The following SGCG variants were observed in gnomAD, a reference collection of about 807,000 sequenced individuals.
SGCG encodes the protein sarcoglycan gamma, also known as gamma-sarcoglycan.
SGCG carries 26 observed loss-of-function variants against 29.3 expected under a neutral mutation model. That is an observed-to-expected ratio of 0.89 (90% CI 0.65 to 1.23). SGCG has a LOEUF of 1.23. SGCG is among the 50% of genes most tolerant of loss of function. The probability of loss-of-function intolerance (pLI) is 0.00; values close to 1 mark genes in which losing one functional copy is unlikely to be tolerated. For synonymous variants in SGCG, 145 were observed against 129.7 expected (o/e 1.12, Z -0.80); for missense variants, 353 against 356.0 (o/e 0.99, Z 0.07).
intron 2 of SGCG, among the ~76,000 whole-genome samples, chr13:23,204,608 T>C (rs972241739): frequency 2.6e-5 from 2 of 76,638 alleles, no homozygotes; most frequent in African/African-American, 5.8e-5. Context: ...TTCTTTCTTT[T>C]CTTTCTTTTC....
chr13:23,263,845 A>T (rs1043001705), intron 4 of SGCG, among the ~76,000 whole-genome samples: 1 of 152,156 alleles, frequency 6.6e-6, no homozygotes, highest in African/African-American at 2.4e-5. Context: ...ATCTCAGTAG[A>T]TGCAGAAAAA....
chr13:23,178,258 G>C (rs933230620), upstream of SGCG, among the ~76,000 whole-genome samples: 1 of 152,172 alleles, frequency 6.6e-6, no homozygotes, highest in African/African-American at 2.4e-5. Flanking sequence ...AAGTCAGGCA[G>C]GAGCAAGGAG....
At chr13:23,264,566 G>A (rs1363549881) in intron 4 of SGCG, among the ~76,000 whole-genome samples, 1 of 152,064 alleles carries the variant, frequency 6.6e-6, no homozygotes, top group Non-Finnish European at 1.5e-5. Flanking sequence ...TACAGAATTA[G>A]GAAATATAAT....
chr13:23,206,544 A>T (rs1324585816), intron 2 of SGCG, among the ~76,000 whole-genome samples: 1 of 152,096 alleles, frequency 6.6e-6, no homozygotes, highest in Non-Finnish European at 1.5e-5. Flanking sequence ...CATTTTCTTT[A>T]TTCATTTGTT....
Position 23,234,602 on chromosome 13 carries a change from T to G in SGCG, c.196-9T>G, listed in dbSNP as rs1218168404. ...AATATACGCATTGTCTCTTTTTTTT[T>G]TTTAACAGGCAGGAATGGGCCACTT... On this transcript the variant is annotated splice_polypyrimidine_tract_variant and intron_variant, in intron 2 of 7. Transcript: ENST00000218867. The G allele has an allele frequency of 3.1e-6, 5 of 1,591,456 alleles. No individual in the cohort carries two copies. The Admixed American group carries it at 6.7e-5, about 21-fold the overall frequency.
At chr13:23,306,605 G>C (rs1468179728) in intron 6 of SGCG, among the ~76,000 whole-genome samples, 4 of 152,022 alleles carry the variant, frequency 2.6e-5, no homozygotes, top group Non-Finnish European at 4.4e-5. Flanking sequence ...AACACTGTTC[G>C]CATAATCACA....
intron 2 of SGCG, among the ~76,000 whole-genome samples, chr13:23,214,832 A>G (rs2137517840): frequency 6.6e-6 from 1 of 152,346 alleles, no homozygotes; most frequent in South Asian, 2.1e-4. Context: ...ATGTCTTTCT[A>G]AAAGGTATTA....
At chr13:23,304,838 A>G (rs774635556) in intron 6 of SGCG, among the ~76,000 whole-genome samples, 9 of 152,184 alleles carry the variant, frequency 5.9e-5, no homozygotes, top group Non-Finnish European at 1.0e-4. Context: ...CATGTTGGCC[A>G]GGCTGGTCTC....
At chr13:23,247,917 G>A (rs1566015966) in intron 3 of SGCG, among the ~76,000 whole-genome samples, 1 of 146,738 alleles carries the variant, frequency 6.8e-6, no homozygotes, top group Non-Finnish European at 1.5e-5. Context: ...CACACCACTG[G>A]ACTCCAGCCT....
chr13:23,295,969 C>T (rs1202272277), intron 6 of SGCG, among the ~76,000 whole-genome samples: 1 of 152,022 alleles, frequency 6.6e-6, no homozygotes, highest in Non-Finnish European at 1.5e-5. Context: ...TGTGCTTTTG[C>T]ACTGACTGTT....
At chr13:23,315,661 C>CT (rs1423974192) in intron 6 of SGCG, among the ~76,000 whole-genome samples, 1 of 152,236 alleles carries the variant, frequency 6.6e-6, no homozygotes, top group Non-Finnish European at 1.5e-5. Context: ...GTGGGCAGAA[C>CT]TTTGAGTAGT....
intron 3 of SGCG, among the ~76,000 whole-genome samples, chr13:23,237,469 A>C (rs1034999757): frequency 6.6e-6 from 1 of 152,262 alleles, no homozygotes; most frequent in Non-Finnish European, 1.5e-5. Context: ...AGGCAAGCCC[A>C]TTGCATAAGA....
At chr13:23,263,467 G>A (rs915880470) in intron 4 of SGCG, among the ~76,000 whole-genome samples, 1 of 151,982 alleles carries the variant, frequency 6.6e-6, no homozygotes, top group Non-Finnish European at 1.5e-5. Flanking sequence ...AACAAGCAAT[G>A]AGATTGAATC....
chr13:23,225,895 T>C (rs559964204), intron 2 of SGCG, among the ~76,000 whole-genome samples: 1 of 152,256 alleles, frequency 6.6e-6, no homozygotes, highest in South Asian at 2.1e-4. Flanking sequence ...TTCTGTTCAA[T>C]ATCACAGGGT....
At chr13:23,196,703 A>G (rs1031141925) in intron 1 of SGCG, among the ~76,000 whole-genome samples, 4 of 152,108 alleles carry the variant, frequency 2.6e-5, no homozygotes, top group Non-Finnish European at 1.5e-5. Context: ...ACTTCTCCCA[A>G]TTTATCTGCC....
chr13:23,270,417 C>T (rs985087866), intron 4 of SGCG, among the ~76,000 whole-genome samples: 6 of 152,136 alleles, frequency 3.9e-5, no homozygotes, highest in African/African-American at 1.4e-4. Context: ...ATTTGCATTT[C>T]TGTAATGATG....
intron 5 of SGCG, among the ~76,000 whole-genome samples, chr13:23,281,341 GTAATAATAATAATAA>G (rs57723057): frequency 0.023 from 3,404 of 146,526 alleles, 70 homozygotes; most frequent in East Asian, 0.081. Context: ...CCGTGTCTCA[GTAATAATAATAATAA>G]TAATAATAAT....
intron 6 of SGCG, among the ~76,000 whole-genome samples, chr13:23,317,508 C>G (rs548933859): frequency 7.1e-6 from 1 of 141,064 alleles, no homozygotes; most frequent in Non-Finnish European, 1.6e-5. Context: ...GCTTCAGAAA[C>G]GGGGACTGTA....
At chr13:23,313,701 T>C (rs1371428913) in intron 6 of SGCG, among the ~76,000 whole-genome samples, 1 of 152,232 alleles carries the variant, frequency 6.6e-6, no homozygotes, top group African/African-American at 2.4e-5. Flanking sequence ...TCAAGTCACC[T>C]TAATTGTATT....
Sources: gnomAD v4.1 joint callset for allele counts (sites outside exome capture counted in the v4.1 genomes callset) on GRCh38, gnomAD v4.1.1 for gene constraint, MANE v1.5 for transcripts, NCBI Gene and HGNC (gene_info 2026-07-23, HGNC 2026-07-21) for gene names.